Variants in LRRC7 observed in about 807,000 individuals in gnomAD.
The protein encoded by LRRC7 is leucine-rich repeat-containing protein 7.
In LRRC7, 23 loss-of-function variants were observed where a neutral mutation model predicts 175.7. The observed-to-expected ratio is 0.13, with a 90% CI of 0.09 to 0.19. LRRC7 has a LOEUF of 0.19. LRRC7 is among the 10% of genes least tolerant of loss of function. LRRC7 has a pLI of 1.00. For synonymous variants in LRRC7, 685 were observed against 680.9 expected (o/e 1.01, Z -0.09); for missense variants, 1,354 against 1,904.7 (o/e 0.71, Z 5.38).
chr1:69,590,956 C>G (rs1387973233), intron 1 of LRRC7, among the ~76,000 whole-genome samples: 3 of 151,918 alleles, frequency 2.0e-5, no homozygotes, highest in African/African-American at 7.3e-5. Flanking sequence ...ATGTCAGAGA[C>G]AAGTATTATT....
chr1:69,599,115 G>A (rs1646954123), intron 1 of LRRC7, among the ~76,000 whole-genome samples: 1 of 151,332 alleles, frequency 6.6e-6, no homozygotes, highest in South Asian at 2.1e-4. Flanking sequence ...ACAGGAATGA[G>A]GTAGACATTA....
chr1:69,875,862 C>T lies in LRRC7; in HGVS notation c.647+37579C>T, dbSNP rs17131069. Among the ~76,000 whole-genome samples the T allele has an allele frequency of 8.3e-3, 1,257 of 150,716 alleles. 12 individuals are homozygous for T. The highest frequency in any genetic ancestry group is 0.029 in the African/African-American group (1,188 of 41,158). On this transcript the variant is annotated intron_variant, in intron 7 of 26. Coordinates refer to ENST00000651989, the MANE Select transcript of LRRC7 (RefSeq NM_001370785.2). ...ATATGCATATTAAGCCAAAATTTGG[C>T]TAAACATATTCAGTAAAGAAAAACA...
chr1:69,761,161 A>C (rs1413762214), intron 3 of LRRC7, among the ~76,000 whole-genome samples: 1 of 152,050 alleles, frequency 6.6e-6, no homozygotes, highest in Non-Finnish European at 1.5e-5. Flanking sequence ...CCTAACAGTC[A>C]CCTAAGTAAG....
At chr1:69,702,659 A>G (rs1163824671) in intron 2 of LRRC7, among the ~76,000 whole-genome samples, 2 of 152,158 alleles carry the variant, frequency 1.3e-5, no homozygotes, top group East Asian at 1.9e-4. Context: ...AAGAGCCACA[A>G]TGTGTATGGA....
chr1:69,815,759 G>A (rs1409614256), intron 4 of LRRC7, among the ~76,000 whole-genome samples: 1 of 152,070 alleles, frequency 6.6e-6, no homozygotes. Flanking sequence ...ATTTCTCACA[G>A]TTCTGGAGGC....
At chr1:69,600,800 C>CTTTTTTT (rs59212223) in intron 1 of LRRC7, among the ~76,000 whole-genome samples, 1,844 of 64,856 alleles carry the variant, frequency 0.028, 629 homozygotes, top group East Asian at 0.053. Flanking sequence ...TCTCTGGTTT[C>CTTTTTTT]TTTTTTTTTT....
intron 24 of LRRC7, among the ~76,000 whole-genome samples, chr1:70,081,493 A>G (rs1043228685): frequency 4.6e-5 from 7 of 152,264 alleles, no homozygotes; most frequent in Non-Finnish European, 7.3e-5. Flanking sequence ...TCCATTTTAT[A>G]GACTACAAAA....
At chr1:70,118,908 G>A (rs1206248231) in intron 26 of LRRC7, among the ~76,000 whole-genome samples, 1 of 151,944 alleles carries the variant, frequency 6.6e-6, no homozygotes, top group Admixed American at 6.6e-5. Flanking sequence ...TACATATTGG[G>A]CTCTCTTCCT....
intron 1 of LRRC7, among the ~76,000 whole-genome samples, chr1:69,668,454 G>T (rs1658588182): frequency 6.6e-6 from 1 of 152,118 alleles, no homozygotes; most frequent in Admixed American, 6.5e-5. Context: ...TTTCATCCAT[G>T]TCCCTGCAAA....
At chr1:69,980,926 T>A (rs1441259452) in intron 9 of LRRC7, among the ~76,000 whole-genome samples, 1 of 152,142 alleles carries the variant, frequency 6.6e-6, no homozygotes, top group East Asian at 1.9e-4. Context: ...TTTTTGAAAA[T>A]GGCAAGGATC....
intron 7 of LRRC7, among the ~76,000 whole-genome samples, chr1:69,927,304 G>A (rs1233315118): frequency 2.0e-5 from 3 of 152,010 alleles, no homozygotes; most frequent in Admixed American, 2.0e-4. Flanking sequence ...GCTCTTCTTG[G>A]GGAGTATCTT....
rs1331327785 is a variant in LRRC7 at position 69,717,866 on chromosome 1, G to T, written c.100+39388G>T. ...AAAAGAAAGAAAGGAAAGAAAGAAA[G>T]AAAGAAAGAAAGAGAGAAAAAGAGG... is the stretch of plus-strand genomic sequence containing the variant. On this transcript the variant is annotated intron_variant, in intron 2 of 26. Coordinates refer to ENST00000651989, the MANE Select transcript of LRRC7 (RefSeq NM_001370785.2). 2.2e-4 allele frequency among the ~76,000 whole-genome samples: 24 copies of T among 108,908 alleles called. 3 individuals are homozygous for T. Among genetic ancestry groups the T allele is most frequent in the Non-Finnish European group, 4.0e-4 (21 of 53,072 alleles). 71.4% of individuals were successfully genotyped at this position (108,908 alleles called of 152,430 possible). A position where few individuals can be genotyped will look rare whatever the true frequency, so the allele number is the denominator to read the frequency against.
intron 26 of LRRC7, 125 bp from the exon 27 acceptor site, chr1:70,121,655 C>T: frequency 2.1e-5 from 13 of 609,960 alleles, no homozygotes; most frequent in East Asian, 2.9e-5. Flanking sequence ...ATTGCGATTC[C>T]ATTGTGAATT....
intron 8 of LRRC7, among the ~76,000 whole-genome samples, chr1:69,958,938 T>C (rs1473813025): frequency 6.6e-6 from 1 of 152,072 alleles, no homozygotes; most frequent in East Asian, 1.9e-4. Context: ...CCAAGCTTTA[T>C]TACCTTTGGA....
chr1:69,654,185 A>G (rs913128320), intron 1 of LRRC7, among the ~76,000 whole-genome samples: 2 of 151,940 alleles, frequency 1.3e-5, no homozygotes, highest in African/African-American at 4.8e-5. Flanking sequence ...AGCACCTTAC[A>G]TTTATGTTAG....
chr1:69,952,564 A>AT (rs1483025112), intron 8 of LRRC7, among the ~76,000 whole-genome samples: 2 of 152,080 alleles, frequency 1.3e-5, no homozygotes, highest in African/African-American at 4.8e-5. Flanking sequence ...GGTAATTATT[A>AT]TTTTTTCCAT....
intron 3 of LRRC7, among the ~76,000 whole-genome samples, chr1:69,774,245 T>C (rs935706226): frequency 6.6e-6 from 1 of 152,202 alleles, no homozygotes; most frequent in Non-Finnish European, 1.5e-5. Context: ...CAGGAGTGAA[T>C]TGGTCTAGAA....
chr1:69,742,348 C>T (rs1422364326), intron 2 of LRRC7, among the ~76,000 whole-genome samples: 1 of 151,896 alleles, frequency 6.6e-6, no homozygotes, highest in Non-Finnish European at 1.5e-5. Context: ...CCGCTTTATA[C>T]AAGTTATATA....
At chr1:69,775,953 T>A (rs1195270230) in intron 3 of LRRC7, among the ~76,000 whole-genome samples, 1 of 152,118 alleles carries the variant, frequency 6.6e-6, no homozygotes, top group East Asian at 1.9e-4. Flanking sequence ...CCTTATTGCC[T>A]CCTAGCCAGC....
Sources: gnomAD v4.1 joint callset for allele counts (sites outside exome capture counted in the v4.1 genomes callset) on GRCh38, gnomAD v4.1.1 for gene constraint, MANE v1.5 for transcripts, NCBI Gene and HGNC (gene_info 2026-07-23, HGNC 2026-07-21) for gene names.